The following MCF2L variants were observed in gnomAD, a reference collection of about 807,000 sequenced individuals.
The protein encoded by MCF2L is guanine nucleotide exchange factor DBS.
Under a neutral mutation model 153.4 loss-of-function variants are expected in MCF2L, and 97 were observed. The observed-to-expected ratio is 0.63, with a 90% confidence interval of 0.54 to 0.75. MCF2L has a LOEUF of 0.75. MCF2L is among the 30% of genes least tolerant of loss of function. The pLI, the probability that MCF2L is intolerant of heterozygous loss-of-function variation, is 0.00. For synonymous variants in MCF2L, 659 were observed against 632.2 expected (o/e 1.04, Z -0.64); for missense variants, 1,347 against 1,495.2 (o/e 0.90, Z 1.64).
At chr13:112,994,216 T>G (rs1284401564) in intron 1 of MCF2L, among the ~76,000 whole-genome samples, 27 of 146,226 alleles carry the variant, frequency 1.8e-4, no homozygotes, top group African/African-American at 6.7e-4. Flanking sequence ...CGGGGCACGG[T>G]GCGTGGGATG....
chr13:113,072,956 T>G (rs1054708791), intron 9 of MCF2L, among the ~76,000 whole-genome samples: 2 of 152,170 alleles, frequency 1.3e-5, no homozygotes, highest in African/African-American at 4.8e-5. Context: ...CACTATAAAT[T>G]TCCCTCTCAT....
chr13:112,914,696 A>G (rs1421953594), intron 2 of MCF2L, among the ~76,000 whole-genome samples: 1 of 152,222 alleles, frequency 6.6e-6, no homozygotes, highest in Non-Finnish European at 1.5e-5. Context: ...CATCACTTGC[A>G]TCTCATGCGT....
intron 1 of MCF2L, among the ~76,000 whole-genome samples, chr13:113,012,804 G>GCCCC (rs1379085376): frequency 9.5e-6 from 1 of 105,200 alleles, no homozygotes; most frequent in African/African-American, 3.6e-5. Context: ...TGCGGACGGT[G>GCCCC]GACAGGCGGT....
chr13:112,968,115 TCTC>T (rs2081924654), upstream of MCF2L: 29 of 191,902 alleles, frequency 1.5e-4, no homozygotes, highest in South Asian at 3.2e-4. Flanking sequence ...TCTCTCTCTC[TCTC>T]TTTTAACTGA....
At chr13:112,896,262 CT>C (rs2081066669) in intron 1 of MCF2L, among the ~76,000 whole-genome samples, 1 of 151,980 alleles carries the variant, frequency 6.6e-6, no homozygotes, top group East Asian at 1.9e-4. Flanking sequence ...GAATTCAGGT[CT>C]CTTCACCGCC....
At chr13:112,928,558 C>T (rs961334612) in intron 2 of MCF2L, among the ~76,000 whole-genome samples, 2 of 152,048 alleles carry the variant, frequency 1.3e-5, no homozygotes, top group Non-Finnish European at 2.9e-5. Flanking sequence ...GTGCTTTTTT[C>T]CTCCCTTCAC....
In MCF2L at chr13:113,045,455, C is replaced by A; in HGVS notation, c.369+94C>A. 2.6e-6 allele frequency: 3 copies of A among 1,135,698 alleles called. No individual in the cohort carries two copies. Among genetic ancestry groups the A allele is most frequent in the Non-Finnish European group, 3.9e-6 (3 of 763,732 alleles). 70.4% of individuals were successfully genotyped at this position (1,135,698 alleles called of 1,614,324 possible). A position where few individuals can be genotyped will look rare whatever the true frequency, so the allele number is the denominator to read the frequency against. On this transcript the variant is annotated intron_variant, in intron 4 of 29. Transcript: ENST00000535094. This position sits in a 1 kb window ranked among gnomAD's most constrained non-coding sequence, Gnocchi z 4.2. ...TCCTCTGTGTCTGCCGCAGTTCCTG[C>A]TTTGTGCTGAGTGGGACAGAGCCCA...
intron 1 of MCF2L, among the ~76,000 whole-genome samples, chr13:112,986,750 C>T (rs1367775763): frequency 1.3e-5 from 2 of 152,236 alleles, no homozygotes; most frequent in South Asian, 2.1e-4. Flanking sequence ...ACCCTGCCCA[C>T]GGGGCCTCAG....
At chr13:113,041,608 G>A (rs2086495002) in intron 3 of MCF2L, among the ~76,000 whole-genome samples, 2 of 152,200 alleles carry the variant, frequency 1.3e-5, no homozygotes, top group Admixed American at 6.5e-5. Flanking sequence ...AGTCAGTATG[G>A]GTAGAGGAGG....
intron 1 of MCF2L, among the ~76,000 whole-genome samples, chr13:112,990,442 G>A (rs1410335742): frequency 1.3e-5 from 2 of 151,978 alleles, no homozygotes; most frequent in African/African-American, 2.4e-5. Context: ...TCCCACATAC[G>A]GTGCCTTGAG....
intron 3 of MCF2L, among the ~76,000 whole-genome samples, chr13:113,041,396 G>T (rs74115762): frequency 6.6e-6 from 1 of 152,008 alleles, no homozygotes; most frequent in Non-Finnish European, 1.5e-5. Flanking sequence ...TGGGCCGTGG[G>T]GGGGCGGGGA....
chr13:112,994,696 G>A lies in MCF2L; in HGVS notation c.80-20067G>A, dbSNP rs1309170981. 2.6e-5 allele frequency among the ~76,000 whole-genome samples: 4 copies of A among 152,330 alleles called. No individual in the cohort carries two copies. In the South Asian group the frequency reaches 8.3e-4, roughly 32 times the overall value. ...CATCCCGGGCAGTAAATCCAGCCCC[G>A]AGGGTGGGGCATCCTCCCGGGCACA... On this transcript the variant is annotated intron_variant, in intron 1 of 29. Transcript: ENST00000535094.
intron 2 of MCF2L, among the ~76,000 whole-genome samples, chr13:112,948,601 TGA>T (rs1491509389): frequency 2.6e-5 from 4 of 152,342 alleles, no homozygotes; most frequent in Non-Finnish European, 4.4e-5. Context: ...AAAGCAGTAC[TGA>T]GAGGGGAATT....
chr13:112,981,382 G>C (rs924265861), intron 1 of MCF2L, among the ~76,000 whole-genome samples: 1 of 152,238 alleles, frequency 6.6e-6, no homozygotes, highest in African/African-American at 2.4e-5. Flanking sequence ...GAGACGCGAT[G>C]AGAGTGTCAT....
At chr13:113,063,541 G>C (rs921257750) in intron 5 of MCF2L, among the ~76,000 whole-genome samples, 2 of 151,036 alleles carry the variant, frequency 1.3e-5, no homozygotes, top group Admixed American at 6.6e-5. Flanking sequence ...AGCCACCCAC[G>C]GTGTCCAGGG....
At chr13:112,968,782 T>C (rs1594402690), upstream of MCF2L, 1 of 1,347,692 alleles carries the variant, frequency 7.4e-7, no homozygotes, top group Non-Finnish European at 9.5e-7. Flanking sequence ...CACTCGCGGC[T>C]TCGCGGCTGC....
chr13:112,972,952 G>A (rs1187608572), intron 1 of MCF2L, among the ~76,000 whole-genome samples: 7 of 150,896 alleles, frequency 4.6e-5, no homozygotes, highest in Non-Finnish European at 1.0e-4. Context: ...ACAGCAGCAC[G>A]GAGGGGCTTT....
At chr13:112,917,241 T>A in intron 2 of MCF2L, 1 of 464,744 alleles carries the variant, frequency 2.2e-6, no homozygotes, top group South Asian at 1.6e-5. Flanking sequence ...TCCACCCGCA[T>A]CCTACAGGTC....
intron 2 of MCF2L, among the ~76,000 whole-genome samples, chr13:112,955,626 A>C (rs2081747873): frequency 6.6e-6 from 1 of 152,114 alleles, no homozygotes; most frequent in Non-Finnish European, 1.5e-5. Flanking sequence ...TAGGATTGGA[A>C]CCCAGGCAGG....
Sources: gnomAD v4.1 joint callset for allele counts (sites outside exome capture counted in the v4.1 genomes callset) on GRCh38, gnomAD v4.1.1 for gene constraint, Gnocchi (gnomAD v3.1) non-coding constraint, MANE v1.5 for transcripts, NCBI Gene and HGNC (gene_info 2026-07-23, HGNC 2026-07-21) for gene names.